CCDC178: variants seen among roughly 807,000 people sequenced by gnomAD.
CCDC178 encodes the protein coiled-coil domain containing 178, also known as coiled-coil domain-containing protein 178.
Under a neutral mutation model 117.4 loss-of-function variants are expected in CCDC178, and 126 were observed. The observed-to-expected ratio is 1.07, with a 90% CI of 0.93 to 1.24. The LOEUF (loss-of-function observed/expected upper bound fraction) is 1.24. Among genes scored for constraint, CCDC178 ranks in the 50% most tolerant of loss-of-function variants. The pLI is 0.00. For synonymous variants in CCDC178, 283 were observed against 313.4 expected, an observed-to-expected ratio of 0.90 and a Z score of 1.02; for missense variants, 1,030 against 986.9, an observed-to-expected ratio of 1.04 and a Z score of -0.59.
intron 20 of CCDC178, among the ~76,000 whole-genome samples, chr18:33,146,489 T>C (rs1396612634): frequency 2.0e-5 from 3 of 152,084 alleles, no homozygotes; most frequent in East Asian, 1.9e-4. Context: ...ACCTTGTTTC[T>C]GCAAAAAACT....
At chr18:33,363,755 CTG>C in intron 6 of CCDC178, among the ~76,000 whole-genome samples, 1 of 151,998 alleles carries the variant, frequency 6.6e-6, no homozygotes. Flanking sequence ...TGTATCAGAT[CTG>C]TTACAGAACA....
intron 2 of CCDC178, among the ~76,000 whole-genome samples, chr18:33,428,121 A>C (rs1356113560): frequency 6.6e-6 from 1 of 152,172 alleles, no homozygotes; most frequent in Non-Finnish European, 1.5e-5. Flanking sequence ...TCCTGAAGAA[A>C]TTTCTTTCAA....
intron 22 of CCDC178, among the ~76,000 whole-genome samples, chr18:32,968,155 C>T (rs2054855196): frequency 6.6e-6 from 1 of 151,816 alleles, no homozygotes; most frequent in African/African-American, 2.4e-5. Context: ...CTTCTCTAGC[C>T]TCTCCCCATT....
intron 14 of CCDC178, among the ~76,000 whole-genome samples, chr18:33,255,397 A>G (rs1029176457): frequency 6.6e-5 from 10 of 152,102 alleles, no homozygotes; most frequent in Non-Finnish European, 1.3e-4. Context: ...TTTATCCAAT[A>G]GCTGGTAGGG....
At chr18:33,306,614 A>G (rs1247135641) in intron 11 of CCDC178, among the ~76,000 whole-genome samples, 1 of 139,898 alleles carries the variant, frequency 7.1e-6, no homozygotes, top group Non-Finnish European at 1.6e-5. Flanking sequence ...TTTTATATAT[A>G]TATGGTTATA....
At chr18:33,284,000 A>G (rs902838008) in intron 12 of CCDC178, among the ~76,000 whole-genome samples, 8 of 152,250 alleles carry the variant, frequency 5.3e-5, no homozygotes, top group African/African-American at 1.9e-4. Context: ...ACATGGAATC[A>G]AACCTAAATG....
At chr18:33,245,116 T>A in intron 15 of CCDC178, 129 bp downstream of exon 15, 1 of 875,454 alleles carries the variant, frequency 1.1e-6, no homozygotes, top group Non-Finnish European at 1.6e-6. Context: ...TTCTCATTTA[T>A]AAGAAGTGAG....
chr18:33,082,044 T>C (rs2057305906), intron 21 of CCDC178, among the ~76,000 whole-genome samples: 1 of 152,224 alleles, frequency 6.6e-6, no homozygotes, highest in Admixed American at 6.5e-5. Context: ...TAAATTGCTT[T>C]ACTTGAAGTC....
chr18:33,300,982 A>T (rs1056850170), intron 11 of CCDC178, among the ~76,000 whole-genome samples: 1 of 152,220 alleles, frequency 6.6e-6, no homozygotes, highest in African/African-American at 2.4e-5. Context: ...TGGGAAAAAG[A>T]CTTTCAAGGC....
At chr18:33,363,415 C>G (rs758881620) in intron 6 of CCDC178, among the ~76,000 whole-genome samples, 1 of 152,018 alleles carries the variant, frequency 6.6e-6, no homozygotes, top group Non-Finnish European at 1.5e-5. Flanking sequence ...GAAAGTACCT[C>G]TGGAGCCAAG....
At chr18:33,157,487 T>C (rs537738907) in intron 20 of CCDC178, among the ~76,000 whole-genome samples, 2 of 152,298 alleles carry the variant, frequency 1.3e-5, no homozygotes, top group South Asian at 4.1e-4. Context: ...CAGACCAAAA[T>C]GTTAGAAAAT....
At chr18:33,383,925 G>C (rs933723682) in intron 5 of CCDC178, among the ~76,000 whole-genome samples, 9 of 152,070 alleles carry the variant, frequency 5.9e-5, no homozygotes, top group African/African-American at 2.2e-4. Context: ...TGAGCTAAAG[G>C]ATTATGTTCT....
chr18:32,980,161 T>C (rs904834346), intron 21 of CCDC178, among the ~76,000 whole-genome samples: 5 of 882 alleles, frequency 5.7e-3, no homozygotes, highest in Non-Finnish European at 0.034. Flanking sequence ...TAACTTCTAA[T>C]GGAAAAAAAA....
At chr18:32,941,434 T>G (rs766606896) in intron 22 of CCDC178, among the ~76,000 whole-genome samples, 3 of 152,072 alleles carry the variant, frequency 2.0e-5, no homozygotes, top group Non-Finnish European at 4.4e-5. Context: ...GAAAACATGA[T>G]CTTTCAGGAG....
intron 20 of CCDC178, among the ~76,000 whole-genome samples, chr18:33,099,606 T>C (rs2057594471): frequency 6.6e-6 from 1 of 152,044 alleles, no homozygotes; most frequent in Admixed American, 6.6e-5. Context: ...TCTAACAATG[T>C]AGAAGACAGG....
chr18:33,355,758 C>T (rs1322249303), intron 7 of CCDC178, among the ~76,000 whole-genome samples: 1 of 152,144 alleles, frequency 6.6e-6, no homozygotes, highest in African/African-American at 2.4e-5. Context: ...CAAACACTGC[C>T]TGTAAGTAGC....
chr18:33,194,946 C>G (rs577076101), intron 20 of CCDC178, among the ~76,000 whole-genome samples: 3 of 106,210 alleles, frequency 2.8e-5, no homozygotes, highest in Admixed American at 9.9e-5. Context: ...GAGAGAGAGA[C>G]AGAGAGAGAG....
intron 20 of CCDC178, among the ~76,000 whole-genome samples, chr18:33,114,300 G>C (rs1899149694): frequency 6.6e-6 from 1 of 152,014 alleles, no homozygotes; most frequent in Non-Finnish European, 1.5e-5. Context: ...AGCACATTCT[G>C]CATCAGCCTT....
At chr18:33,207,951 C>A (rs2059065369) in intron 20 of CCDC178, among the ~76,000 whole-genome samples, 1 of 151,988 alleles carries the variant, frequency 6.6e-6, no homozygotes, top group Non-Finnish European at 1.5e-5. Context: ...GCTACCCTCT[C>A]CTGTTAAGTA....
Sources: allele counts gnomAD v4.1 joint callset (sites outside exome capture counted in the v4.1 genomes callset), GRCh38; gene constraint gnomAD v4.1.1; transcripts MANE v1.5; gene names NCBI Gene and HGNC (gene_info 2026-07-23, HGNC 2026-07-21).